Variants in FHIT observed in about 807,000 individuals in gnomAD.
The protein encoded by FHIT is fragile histidine triad diadenosine triphosphatase.
Under a neutral mutation model 17.9 loss-of-function variants are expected in FHIT, and 19 were observed. The ratio of observed to expected loss-of-function variants is 1.06; its 90% confidence interval spans 0.74 to 1.56. The LOEUF is 1.56. Ranked by LOEUF, FHIT falls within the 40% of genes most tolerant of loss-of-function variation. The pLI is 0.00. For missense variants in FHIT, 248 were observed against 189.2 expected (o/e 1.31, Z -1.82); for synonymous variants, 81 against 69.7 (o/e 1.16, Z -0.81).
At chr3:60,397,531 C>T (rs1701495465) in intron 5 of FHIT, among the ~76,000 whole-genome samples, 1 of 152,126 alleles carries the variant, frequency 6.6e-6, no homozygotes, top group African/African-American at 2.4e-5. Context: ...TTGGACTTGC[C>T]ATGAGACAGC....
chr3:60,026,660 A>C (rs1217646491), intron 5 of FHIT, among the ~76,000 whole-genome samples: 1 of 152,248 alleles, frequency 6.6e-6, no homozygotes, highest in East Asian at 1.9e-4. Flanking sequence ...CAATAAAAAA[A>C]ATCTCAAAAT....
intron 5 of FHIT, among the ~76,000 whole-genome samples, chr3:60,480,823 T>A (rs915967407): frequency 1.3e-5 from 2 of 152,168 alleles, no homozygotes; most frequent in Admixed American, 6.5e-5. Flanking sequence ...TTCACAGCTG[T>A]CGTTGAGTGT....
chr3:60,501,620 T>C (rs2034528721), intron 5 of FHIT, among the ~76,000 whole-genome samples: 1 of 152,176 alleles, frequency 6.6e-6, no homozygotes, highest in African/African-American at 2.4e-5. Context: ...TCAGAATCCT[T>C]AGAGTGAGAA....
intron 8 of FHIT, among the ~76,000 whole-genome samples, chr3:59,783,424 A>T (rs530384821): frequency 1.3e-5 from 2 of 152,250 alleles, no homozygotes; most frequent in South Asian, 4.2e-4. Context: ...AGACCAAATC[A>T]TGCCACTGCA....
At chr3:60,381,150 A>G (rs1292748883) in intron 5 of FHIT, among the ~76,000 whole-genome samples, 3 of 152,176 alleles carry the variant, frequency 2.0e-5, no homozygotes, top group Non-Finnish European at 4.4e-5. Flanking sequence ...TGCCTCCCCA[A>G]TTTAGCAGAA....
At chr3:60,805,390 C>T (rs955789263) in intron 4 of FHIT, among the ~76,000 whole-genome samples, 1 of 152,050 alleles carries the variant, frequency 6.6e-6, no homozygotes, top group African/African-American at 2.4e-5. Context: ...CCCTGGCTTG[C>T]GTATGGCTGC....
intron 8 of FHIT, among the ~76,000 whole-genome samples, chr3:59,867,885 C>CT (rs933726873): frequency 7.2e-5 from 11 of 151,886 alleles, no homozygotes; most frequent in African/African-American, 2.7e-4. Flanking sequence ...CTCTAATAAC[C>CT]TTGTTATAGT....
intron 2 of FHIT, among the ~76,000 whole-genome samples, chr3:61,143,819 T>C (rs1215469842): frequency 6.6e-6 from 1 of 152,154 alleles, no homozygotes; most frequent in African/African-American, 2.4e-5. Context: ...TGTGCTGAGA[T>C]TGTGCCACTA....
At chr3:60,978,411 T>C (rs568935784) in intron 3 of FHIT, among the ~76,000 whole-genome samples, 1 of 152,160 alleles carries the variant, frequency 6.6e-6, no homozygotes, top group Non-Finnish European at 1.5e-5. Context: ...GCCTCAGGGT[T>C]AGTCTTTGAG....
intron 4 of FHIT, among the ~76,000 whole-genome samples, chr3:60,580,264 C>T (rs538838673): frequency 1.1e-4 from 17 of 152,092 alleles, no homozygotes; most frequent in African/African-American, 3.1e-4. Flanking sequence ...TCAGTGGTCA[C>T]GTTAATGACA....
chr3:60,590,002 AG>A (rs1339315537), intron 4 of FHIT, among the ~76,000 whole-genome samples: 1 of 152,114 alleles, frequency 6.6e-6, no homozygotes, highest in Admixed American at 6.6e-5. Context: ...ACAGGTGAAC[AG>A]TGATGCCTCC....
chr3:60,378,360 T>C (rs888740500), intron 5 of FHIT, among the ~76,000 whole-genome samples: 2 of 152,226 alleles, frequency 1.3e-5, no homozygotes, highest in African/African-American at 4.8e-5. Context: ...CCAACAATTG[T>C]AACGTTTGCC....
At chr3:60,890,828 G>A (rs973304687) in intron 3 of FHIT, among the ~76,000 whole-genome samples, 40 of 152,190 alleles carry the variant, frequency 2.6e-4, no homozygotes, top group African/African-American at 8.2e-4. Context: ...CTTAGGCTAC[G>A]TCCCTTCAGG....
At chr3:60,628,180 T>C (rs1559596165) in intron 4 of FHIT, among the ~76,000 whole-genome samples, 1 of 152,204 alleles carries the variant, frequency 6.6e-6, no homozygotes, top group East Asian at 1.9e-4. Context: ...TTGTTTCTCA[T>C]TTTCATTGTG....
At chr3:60,291,748 A>G (rs574485998) in intron 5 of FHIT, among the ~76,000 whole-genome samples, 5 of 152,110 alleles carry the variant, frequency 3.3e-5, no homozygotes, top group Non-Finnish European at 7.4e-5. Flanking sequence ...CTTAAATCCA[A>G]TGACTGGTAT....
chr3:60,047,931 C>T (rs780727085), intron 5 of FHIT, among the ~76,000 whole-genome samples: 25 of 152,234 alleles, frequency 1.6e-4, no homozygotes, highest in African/African-American at 3.1e-4. Flanking sequence ...TTGCCATAAC[C>T]GTGAGTTGGG....
At chr3:60,788,334 C>A (rs1472039232) in intron 4 of FHIT, among the ~76,000 whole-genome samples, 1 of 152,060 alleles carries the variant, frequency 6.6e-6, no homozygotes, top group Admixed American at 6.6e-5. Flanking sequence ...CTCAGGAACT[C>A]AACCCTGGAT....
chr3:60,724,626 A>G (rs1184299362), intron 4 of FHIT, among the ~76,000 whole-genome samples: 4 of 150,752 alleles, frequency 2.7e-5, no homozygotes, highest in Admixed American at 1.3e-4. Context: ...CATCCTTGCT[A>G]ATAGTTACTA....
At chr3:61,187,597 G>C (rs1318691612) in intron 2 of FHIT, among the ~76,000 whole-genome samples, 1 of 152,148 alleles carries the variant, frequency 6.6e-6, no homozygotes, top group Non-Finnish European at 1.5e-5. Flanking sequence ...GACATCTACA[G>C]AACTCTCCAT....
Sources: gnomAD v4.1 joint callset for allele counts (sites outside exome capture counted in the v4.1 genomes callset) on GRCh38, gnomAD v4.1.1 for gene constraint, MANE v1.5 for transcripts, NCBI Gene and HGNC (gene_info 2026-07-23, HGNC 2026-07-21) for gene names.